The following CLSPN variants were observed in gnomAD, a reference collection of about 807,000 sequenced individuals.
The protein encoded by CLSPN is claspin homolog.
In CLSPN, 85 loss-of-function variants were observed where a neutral mutation model predicts 156.3. The observed-to-expected ratio is 0.54, with a 90% confidence interval of 0.46 to 0.65. The LOEUF is 0.65. Ranked by LOEUF, CLSPN falls within the 30% of genes least tolerant of loss-of-function variation. The pLI is 0.00. For missense variants in CLSPN, 1,407 were observed against 1,554.9 expected, an observed-to-expected ratio of 0.90 and a Z score of 1.60; for synonymous variants, 534 against 542.4, an observed-to-expected ratio of 0.98 and a Z score of 0.22.
chr1:35,724,812 T>C (rs574763055), intron 24 of CLSPN, among the ~76,000 whole-genome samples: 10 of 152,338 alleles, frequency 6.6e-5, no homozygotes, highest in African/African-American at 2.4e-4. Flanking sequence ...TGGTTCATCT[T>C]GGGAAAGGAA....
chr1:35,738,619 C>A, intron 20 of CLSPN, 37 bp from the exon 21 acceptor site: 1 of 1,611,146 alleles, frequency 6.2e-7, no homozygotes. Context: ...ATTCGGCAGT[C>A]CTCACAGGAG....
In CLSPN at chr1:35,760,811, A is replaced by G. The variant is rs1642449442; in HGVS notation, c.1110T>C (p.Gly370=). The G allele has an allele frequency of 6.2e-7, 1 of 1,613,588 alleles. No homozygotes were observed. The highest frequency in any genetic ancestry group is 8.5e-7 in the Non-Finnish European group (1 of 1,179,922). The change falls in exon 8 of 25, where the codon GGT becomes GGC. Residue 370 remains glycine (G), a synonymous_variant. Transcript: ENST00000318121. ...CATTAGTTTCCACTTCATTTTCTGCACCTGTTGTCTGCTCAGAACCTTTAC... is the reference window on the plus strand; with the variant it reads ...CATTAGTTTCCACTTCATTTTCTGCGCCTGTTGTCTGCTCAGAACCTTTAC... ...HHSKGSEQTT[G]AENEVETNAL... is the part of the protein sequence containing the mutation.
At chr1:35,725,302 G>A (rs994574555) in intron 24 of CLSPN, among the ~76,000 whole-genome samples, 9 of 152,126 alleles carry the variant, frequency 5.9e-5, no homozygotes, top group Admixed American at 5.2e-4. Context: ...AGAATGAAAG[G>A]TAATATAAAT....
Position 35,734,317 on chromosome 1 carries a change from T to C in CLSPN, c.*2179A>G. The stretch of plus-strand genomic sequence containing the variant: ...TATTAAAACATCTTTATACACATTT[T>C]CCCCATTATAAGATTACAAGTATAC... On this transcript the variant is annotated 3_prime_UTR_variant, in exon 25 of 25. Transcript: ENST00000318121. 1.0e-6 allele frequency: 1 copy of C among 984,926 alleles called. No homozygotes were observed. The highest frequency in any genetic ancestry group is 1.2e-6 in the Non-Finnish European group (1 of 829,470). The allele number at this position is 984,926 out of a possible 1,614,324, so 61.0% of individuals were successfully genotyped here. A position where few individuals can be genotyped will look rare whatever the true frequency, so the allele number is the denominator to read the frequency against.
intron 4 of CLSPN, among the ~76,000 whole-genome samples, chr1:35,762,938 A>T (rs1156635957): frequency 6.6e-6 from 1 of 151,226 alleles, no homozygotes; most frequent in Non-Finnish European, 1.5e-5. Context: ...TTTTTTTTTC[A>T]GCATTCCTAA....
At chr1:35,745,097 T>G (rs1250222985) in intron 16 of CLSPN, among the ~76,000 whole-genome samples, 2 of 152,188 alleles carry the variant, frequency 1.3e-5, no homozygotes, top group East Asian at 3.9e-4. Context: ...GGAGCCATCA[T>G]ACTTTCCCTG....
At chr1:35,763,802 T>TG (rs1642568417) in intron 3 of CLSPN, among the ~76,000 whole-genome samples, 2 of 151,728 alleles carry the variant, frequency 1.3e-5, no homozygotes, top group African/African-American at 2.4e-5. Flanking sequence ...TTTTTGTTTT[T>TG]TTTTTTTTTG....
chr1:35,731,641 G>A (rs75182628), downstream of CLSPN, among the ~76,000 whole-genome samples: 2,077 of 152,310 alleles, frequency 0.014, 38 homozygotes, highest in African/African-American at 0.047. Flanking sequence ...TCTTGGACCA[G>A]GGGGCTGGCC....
At chr1:35,743,020 C>T in intron 18 of CLSPN, 121 bp downstream of exon 18, 1 of 718,620 alleles carries the variant, frequency 1.4e-6, no homozygotes, top group Non-Finnish European at 2.5e-6. Context: ...CTCCTGACCT[C>T]AGGTGATCCG....
chr1:35,753,853 C>T lies in CLSPN; in HGVS notation c.1663G>A (p.Val555Ile), dbSNP rs368028103. 2.9e-5 allele frequency: 47 copies of T among 1,614,162 alleles called. No homozygotes were observed. The African/African-American group carries it at 4.7e-4, about 16-fold the overall frequency. ...TCAGTGCCCATGTCTTTCACTATGA[C>T]GTTCACATTCACTGTCTGACCAGCC... Reference protein sequence around the residue: ...PRAGQTVNVNVIVKDMGTDGK... With the variant: ...PRAGQTVNVNIIVKDMGTDGK... Residue 555 changes from valine to isoleucine, a missense_variant, in exon 9 of 25, where the codon GTC (valine) becomes ATC (isoleucine). Val to Ile is a conservative substitution (Grantham distance 29, BLOSUM62 3). Transcript: ENST00000318121.
In CLSPN at chr1:35,737,327, T is replaced by G; in HGVS notation, c.3747+12A>C. 6.2e-7 allele frequency: 1 copy of G among 1,610,478 alleles called. No homozygotes were observed. Among genetic ancestry groups the G allele is most frequent in the Non-Finnish European group, 8.5e-7 (1 of 1,176,730 alleles). The stretch of plus-strand genomic sequence containing the variant: ...AGACTATGATGTCAGATTAACAAGG[T>G]TCCCAACCAACCTGTTGAGCACTTC... On this transcript the variant is annotated intron_variant, in intron 23 of 24. Transcript: ENST00000318121.
chr1:35,764,839 A>G, intron 2 of CLSPN, 125 bp from the exon 3 acceptor site: 1 of 606,270 alleles, frequency 1.6e-6, no homozygotes, highest in Non-Finnish European at 2.7e-6. Context: ...ACTACTGTTA[A>G]GAACTGATTG....
downstream of CLSPN, among the ~76,000 whole-genome samples, chr1:35,729,496 G>A: frequency 6.6e-6 from 1 of 152,124 alleles, no homozygotes; most frequent in Non-Finnish European, 1.5e-5. Context: ...AGAGGAGAGA[G>A]GACAAAAAGA....
chr1:35,754,991 T>G (rs1056833563), intron 8 of CLSPN, among the ~76,000 whole-genome samples: 2 of 152,212 alleles, frequency 1.3e-5, no homozygotes, highest in African/African-American at 4.8e-5. Flanking sequence ...TGCTTAACAC[T>G]TCATATCATA....
At chr1:35,736,821 A>C in intron 24 of CLSPN, 93 bp downstream of exon 24, 1 of 1,433,486 alleles carries the variant, frequency 7.0e-7, no homozygotes, top group East Asian at 2.3e-5. Context: ...ACATTGCAGC[A>C]TAGAGGTTAA....
At chr1:35,743,624 T>A in intron 16 of CLSPN, 94 bp from the exon 17 acceptor site, 1 of 970,882 alleles carries the variant, frequency 1.0e-6, no homozygotes, top group Non-Finnish European at 1.6e-6. Context: ...TTTGTGTGTG[T>A]TAATTTTTTT....
At chr1:35,762,776 T>G (rs1642527016) in intron 4 of CLSPN, among the ~76,000 whole-genome samples, 1 of 152,134 alleles carries the variant, frequency 6.6e-6, no homozygotes, top group Admixed American at 6.5e-5. Flanking sequence ...TTCCAAACAC[T>G]CGGGACAACA....
At chr1:35,747,060 C>T (rs1571203985) in intron 14 of CLSPN, 68 bp from the exon 15 acceptor site, 14 of 1,190,300 alleles carry the variant, frequency 1.2e-5, no homozygotes, top group South Asian at 1.0e-4. Flanking sequence ...CGGTAGCTCA[C>T]GCCTGTAATC....
intron 1 of CLSPN, 34 bp downstream of exon 1, chr1:35,769,813 T>TA (rs1360680478): frequency 6.3e-7 from 1 of 1,582,040 alleles, no homozygotes. Flanking sequence ...CCCGGCCTTC[T>TA]AAGCCCCCGT....
Sources: gnomAD v4.1 joint callset for allele counts (sites outside exome capture counted in the v4.1 genomes callset) on GRCh38, gnomAD v4.1.1 for gene constraint, MANE v1.5 for transcripts, NCBI Gene and HGNC (gene_info 2026-07-23, HGNC 2026-07-21) for gene names.